Variants in NALF1 observed in about 807,000 individuals in gnomAD.
NALF1 encodes the protein family with sequence similarity 155 member A.
A neutral mutation model predicts 48.4 loss-of-function variants in NALF1; 3 were observed. The ratio of observed to expected loss-of-function variants is 0.06; its 90% confidence interval spans 0.03 to 0.16. The LOEUF is 0.16. NALF1 is among the 10% of genes least tolerant of loss of function. NALF1 has a pLI of 1.00. For synonymous variants in NALF1, 262 were observed against 245.7 expected, an observed-to-expected ratio of 1.07 and a Z score of -0.62; for missense variants, 526 against 571.5, an observed-to-expected ratio of 0.92 and a Z score of 0.81.
chr13:107,574,281 C>T (rs962356357), intron 1 of NALF1, among the ~76,000 whole-genome samples: 1 of 151,978 alleles, frequency 6.6e-6, no homozygotes, highest in Non-Finnish European at 1.5e-5. Context: ...ATGTCATAGC[C>T]CCATCATTCT....
intron 1 of NALF1, among the ~76,000 whole-genome samples, chr13:107,485,014 T>A (rs1387908425): frequency 2.0e-5 from 3 of 152,174 alleles, no homozygotes; most frequent in Non-Finnish European, 4.4e-5. Context: ...CTTGTGTTTA[T>A]AACCTCACAG....
intron 1 of NALF1, among the ~76,000 whole-genome samples, chr13:107,744,847 C>G (rs1876741830): frequency 6.6e-6 from 1 of 152,112 alleles, no homozygotes; most frequent in Non-Finnish European, 1.5e-5. Context: ...AGAGTGAAAG[C>G]CTTAACATGA....
intron 1 of NALF1, among the ~76,000 whole-genome samples, chr13:107,792,672 T>C (rs890388939): frequency 3.9e-5 from 6 of 152,198 alleles, no homozygotes; most frequent in African/African-American, 1.4e-4. Flanking sequence ...GGTTTCCAGA[T>C]GTATGTTAGT....
intron 1 of NALF1, among the ~76,000 whole-genome samples, chr13:107,542,354 G>A (rs1225196402): frequency 1.3e-5 from 2 of 152,018 alleles, no homozygotes; most frequent in Non-Finnish European, 1.5e-5. Flanking sequence ...ACTGTAGAAA[G>A]GTAGTAGCTA....
At chr13:107,393,980 T>A (rs1047431346) in intron 1 of NALF1, among the ~76,000 whole-genome samples, 1 of 152,168 alleles carries the variant, frequency 6.6e-6, no homozygotes, top group Non-Finnish European at 1.5e-5. Context: ...ATATAATACC[T>A]GTAGAGATTG....
intron 1 of NALF1, among the ~76,000 whole-genome samples, chr13:107,245,713 C>T (rs1880568268): frequency 6.6e-6 from 1 of 152,128 alleles, no homozygotes. Flanking sequence ...ATTGTTTTTT[C>T]CAAAATAACT....
At chr13:107,777,723 G>T (rs923572873) in intron 1 of NALF1, among the ~76,000 whole-genome samples, 1 of 152,014 alleles carries the variant, frequency 6.6e-6, no homozygotes, top group Admixed American at 6.6e-5. Flanking sequence ...CCAGCCTCAG[G>T]TATTTCTTTG....
intron 1 of NALF1, among the ~76,000 whole-genome samples, chr13:107,664,863 C>T (rs946776079): frequency 2.6e-5 from 4 of 152,062 alleles, no homozygotes; most frequent in African/African-American, 9.7e-5. Flanking sequence ...TTTGGTGTGT[C>T]TCTGCCCAGG....
intron 1 of NALF1, among the ~76,000 whole-genome samples, chr13:107,455,582 A>C (rs1156433976): frequency 6.6e-6 from 1 of 152,176 alleles, no homozygotes; most frequent in Non-Finnish European, 1.5e-5. Flanking sequence ...GTTCACTCTC[A>C]GTGGTGTACA....
intron 1 of NALF1, among the ~76,000 whole-genome samples, chr13:107,590,135 GAA>G (rs1878565174): frequency 1.3e-5 from 2 of 151,834 alleles, no homozygotes; most frequent in African/African-American, 4.8e-5. Context: ...CATAAAGTTA[GAA>G]AATGTTTAAT....
intron 1 of NALF1, among the ~76,000 whole-genome samples, chr13:107,674,385 A>T (rs1263592870): frequency 1.3e-5 from 2 of 152,188 alleles, no homozygotes; most frequent in African/African-American, 4.8e-5. Flanking sequence ...AGTGCATCCT[A>T]TTACTTAGCC....
intron 1 of NALF1, among the ~76,000 whole-genome samples, chr13:107,392,328 T>C (rs924221379): frequency 6.6e-6 from 1 of 152,158 alleles, no homozygotes; most frequent in African/African-American, 2.4e-5. Context: ...TGCTTGGTTC[T>C]GAGTCCTTGC....
chr13:107,797,612 TG>T (rs1266528457), intron 1 of NALF1, among the ~76,000 whole-genome samples: 17 of 152,220 alleles, frequency 1.1e-4, no homozygotes, highest in African/African-American at 4.1e-4. Context: ...TTCTGGGCAC[TG>T]GGGCTTTATC....
intron 1 of NALF1, among the ~76,000 whole-genome samples, chr13:107,729,633 C>T (rs34343682): frequency 0.064 from 9,679 of 152,046 alleles, 469 homozygotes; most frequent in South Asian, 0.16. Flanking sequence ...CCCACCACCA[C>T]GCCCAGCTAA....
intron 2 of NALF1, among the ~76,000 whole-genome samples, chr13:107,191,918 G>T (rs1252909598): frequency 1.3e-5 from 2 of 149,228 alleles, no homozygotes; most frequent in East Asian, 2.0e-4. Flanking sequence ...CTGACCTCAG[G>T]TGTTCTGCCC....
At position 107,577,794 on chromosome 13, in the gene NALF1, G is replaced by A. The variant is rs78077548; in HGVS notation, c.915+287888C>T. On this transcript the variant is annotated intron_variant, in intron 1 of 2. Transcript: ENST00000375915. ...AGCTTCTTAAATGCTGCTTCATCCC[G>A]GATCTCTTCAAGTTCCATTTTCACC... Among the ~76,000 whole-genome samples the A allele has an allele frequency of 3.5e-4, 53 of 152,102 alleles. 1 individual carries two copies. In the East Asian group the frequency reaches 8.7e-3, roughly 25 times the overall value.
At chr13:107,863,721 T>G (rs545462077) in intron 1 of NALF1, among the ~76,000 whole-genome samples, 1 of 152,182 alleles carries the variant, frequency 6.6e-6, no homozygotes, top group African/African-American at 2.4e-5. Flanking sequence ...ATGAGTTAAC[T>G]TACACTATAC....
chr13:107,254,062 A>AAAAAAAAATATATATATATAT lies in NALF1; in HGVS notation c.916-43308_916-43307insATATATATATATATTTTTTTT. ...AGATGTTTAAGGGAGCAAGTACTAA[A>AAAAAAAAATATATATATATAT]ATATATATATATATATTAAGCACAC... On this transcript the variant is annotated intron_variant, in intron 1 of 2. Transcript: ENST00000375915. Among the ~76,000 whole-genome samples the AAAAAAAAATATATATATATAT allele has an allele frequency of 1.0e-3, 142 of 138,664 alleles. 4 individuals carry two copies. The highest frequency in any genetic ancestry group is 3.6e-3 in the African/African-American group (133 of 37,048). The allele number at this position is 138,664 out of a possible 152,430, so 91.0% of individuals were successfully genotyped here.
rs545580451 is a variant in NALF1, at chr13:107,512,529, C to A, written c.916-301774G>T. ...CCTTGGCTTTGTCCAGGAAATAATT[C>A]AAGGGCCAGTGGTGGAGCAGAAGAA... On this transcript the variant is annotated intron_variant, in intron 1 of 2. Transcript: ENST00000375915. Among the ~76,000 whole-genome samples the A allele has an allele frequency of 5.3e-5, 8 of 152,246 alleles. No individual in the cohort carries two copies. The East Asian group carries it at 1.5e-3, about 29-fold the overall frequency.
Sources: gnomAD v4.1 joint callset for allele counts (sites outside exome capture counted in the v4.1 genomes callset) on GRCh38, gnomAD v4.1.1 for gene constraint, MANE v1.5 for transcripts, NCBI Gene and HGNC (gene_info 2026-07-23, HGNC 2026-07-21) for gene names.